The following ANKRD50 variants were observed in gnomAD, a reference collection of about 807,000 sequenced individuals.
ANKRD50 encodes ankyrin repeat domain 50.
A neutral mutation model predicts 112.0 loss-of-function variants in ANKRD50; 40 were observed. The ratio of observed to expected loss-of-function variants is 0.36; its 90% CI spans 0.28 to 0.46. The LOEUF is 0.46. ANKRD50 is among the 20% of genes least tolerant of loss of function. The probability of loss-of-function intolerance (pLI) is 1.00; values close to 1 mark genes in which losing one functional copy is unlikely to be tolerated. For synonymous variants in ANKRD50, 613 were observed against 619.1 expected, an observed-to-expected ratio of 0.99 and a Z score of 0.15; for missense variants, 1,487 against 1,701.7, an observed-to-expected ratio of 0.87 and a Z score of 2.22.
intron 2 of ANKRD50, among the ~76,000 whole-genome samples, chr4:124,699,074 A>G (rs1263454550): frequency 6.6e-6 from 1 of 152,182 alleles, no homozygotes; most frequent in Non-Finnish European, 1.5e-5. Flanking sequence ...GTATACCTAT[A>G]TATCTCCCCT....
In ANKRD50 at chr4:124,664,702, T is replaced by C. The variant is rs1286927892; in HGVS notation, c.*2816A>G. The C allele has an allele frequency of 6.6e-6, 1 of 152,506 alleles. No individual in the cohort carries two copies. Among genetic ancestry groups the C allele is most frequent in the East Asian group, 1.9e-4 (1 of 5,172 alleles). 9.4% of individuals were successfully genotyped at this position (152,506 alleles called of 1,614,324 possible). A position where few individuals can be genotyped will look rare whatever the true frequency, so the allele number is the denominator to read the frequency against. ...AATGGAGGACATTAAGCAAAACAAATATTTGCATAGCCAAAACAATATTGA... is the reference window on the plus strand; with the variant it reads ...AATGGAGGACATTAAGCAAAACAAACATTTGCATAGCCAAAACAATATTGA... On this transcript the variant is annotated 3_prime_UTR_variant, in exon 5 of 5. Coordinates refer to ENST00000504087, the MANE Select transcript of ANKRD50 (RefSeq NM_020337.3).
Position 124,671,512 on chromosome 4 carries a change from C to T in ANKRD50, c.1765G>A (p.Gly589Arg). Reference protein sequence around the residue: ...HTPLTLAARQGHTKVVNCLIG... With the variant: ...HTPLTLAARQRHTKVVNCLIG... ...AAACAATTAACCACCTTGGTATGTC[C>T]CTGTCTAGCCGCTAGAGTGAGTGGT... Residue 589 changes from glycine (G) to arginine (R), a missense_variant, in exon 4 of 5, where the codon GGA becomes AGA. Gly to Arg is a moderately radical substitution (Grantham distance 125). Transcript: ENST00000504087. 6.2e-7 allele frequency: 1 copy of T among 1,613,722 alleles called. No individual in the cohort carries two copies. The highest frequency in any genetic ancestry group is 8.5e-7 in the Non-Finnish European group (1 of 1,179,840).
At chr4:124,704,260 T>C (rs1725456872) in intron 2 of ANKRD50, among the ~76,000 whole-genome samples, 1 of 152,212 alleles carries the variant, frequency 6.6e-6, no homozygotes, top group Admixed American at 6.5e-5. Flanking sequence ...GAATAGATAA[T>C]GACAGTTATT....
At position 124,696,223 on chromosome 4, in the gene ANKRD50, A is replaced by T. The variant is rs182734151; in HGVS notation, c.512+13777T>A. ...AAAATTCCATTCTAGAACCAAAAAA[A>T]ATATAATATTTGACATTAGGAACCC... On this transcript the variant is annotated intron_variant, in intron 2 of 4. Coordinates refer to ENST00000504087, the MANE Select transcript of ANKRD50 (RefSeq NM_020337.3). 1.8e-3 allele frequency among the ~76,000 whole-genome samples: 271 copies of T among 152,196 alleles called. 1 individual carries two copies. The highest frequency in any genetic ancestry group is 6.3e-3 in the African/African-American group (264 of 41,582).
rs1730497352 is a variant in ANKRD50, at chr4:124,666,598, G to A, written c.*920C>T. The A allele has an allele frequency of 6.6e-6, 1 of 152,350 alleles. No homozygotes were observed. Among genetic ancestry groups the A allele is most frequent in the Non-Finnish European group, 1.5e-5 (1 of 67,918 alleles). 9.4% of individuals were successfully genotyped at this position (152,350 alleles called of 1,614,324 possible). A position where few individuals can be genotyped will look rare whatever the true frequency, so the allele number is the denominator to read the frequency against. On this transcript the variant is annotated 3_prime_UTR_variant, in exon 5 of 5. Coordinates refer to ENST00000504087, the MANE Select transcript of ANKRD50 (RefSeq NM_020337.3). ...TAGCCAGGAGGAAGAGGTCAGTTTAGTCAATGAATTATTCAGGGATCAAAA... is the reference window on the plus strand; with the variant it reads ...TAGCCAGGAGGAAGAGGTCAGTTTAATCAATGAATTATTCAGGGATCAAAA...
rs560047164 is a variant in ANKRD50, at chr4:124,671,189, T to C, written c.2088A>G (p.Leu696=). Residue 696 remains leucine, a synonymous_variant, in exon 4 of 5, where the codon CTA becomes CTG. Coordinates refer to ENST00000504087, the MANE Select transcript of ANKRD50 (RefSeq NM_020337.3). ...YMGHREIVEH[L]LDHGAEVNHE... ...GATTTACTTCTGCTCCATGGTCCAGTAGGTGTTCCACAATCTCTCTATGTC... is the reference window on the plus strand; with the variant it reads ...GATTTACTTCTGCTCCATGGTCCAGCAGGTGTTCCACAATCTCTCTATGTC... The C allele has an allele frequency of 3.1e-6, 5 of 1,613,874 alleles. No individual in the cohort carries two copies. The South Asian group carries it at 4.4e-5, about 14-fold the overall frequency.
At chr4:124,701,993 T>C (rs1301373486) in intron 2 of ANKRD50, among the ~76,000 whole-genome samples, 2 of 152,198 alleles carry the variant, frequency 1.3e-5, no homozygotes, top group Admixed American at 6.5e-5. Flanking sequence ...ATATGTCTAC[T>C]GTTCATATAA....
chr4:124,672,682 A>C, intron 3 of ANKRD50, 148 bp from the exon 4 acceptor site: 2 of 588,128 alleles, frequency 3.4e-6, no homozygotes, highest in South Asian at 3.4e-5. Flanking sequence ...TTAGTATGTA[A>C]ATCAGTTTTC....
chr4:124,708,779 AATTT>A (rs1725563878), intron 2 of ANKRD50, among the ~76,000 whole-genome samples: 1 of 150,900 alleles, frequency 6.6e-6, no homozygotes, highest in Admixed American at 6.6e-5. Context: ...AACCTTGAAC[AATTT>A]ATTTAGCCTC....
intron 2 of ANKRD50, among the ~76,000 whole-genome samples, chr4:124,683,991 T>C (rs1724951047): frequency 6.7e-6 from 1 of 149,768 alleles, no homozygotes; most frequent in Non-Finnish European, 1.5e-5. Context: ...TAAGAAAAGA[T>C]TTTTGCTATG....
rs756540464 is a variant in ANKRD50 at position 124,671,276 on chromosome 4, G to A, written c.2001C>T (p.Gly667=). 1.5e-5 allele frequency: 24 copies of A among 1,613,558 alleles called. No individual in the cohort carries two copies. Among genetic ancestry groups the A allele is most frequent in the Middle Eastern group, 1.6e-4 (1 of 6,080 alleles). ...CATTATCAGCTTTGTTCACTTCAGC[G>A]CCATGTTGTAGCAAATTCAGTACAA... ...EDIVLNLLQH[G]AEVNKADNEG... Residue 667 remains glycine (G), a synonymous_variant, in exon 4 of 5, where the codon GGC becomes GGT. Transcript: ENST00000504087.
intron 2 of ANKRD50, 65 bp from the exon 3 acceptor site, chr4:124,678,970 C>A: frequency 8.6e-7 from 1 of 1,158,524 alleles, no homozygotes; most frequent in South Asian, 1.5e-5. Context: ...ATTTATTATT[C>A]AAACATTAGA....
chr4:124,669,113 T>C lies in ANKRD50; in HGVS notation c.4164A>G (p.Arg1388=). 1 of 1,613,680 alleles carries C rather than the reference T, an allele frequency of 6.2e-7. No homozygotes were observed. Among genetic ancestry groups the C allele is most frequent in the Non-Finnish European group, 8.5e-7 (1 of 1,179,746 alleles). ...ATCCCTCCAACACTTCCTGATGCCC[T>C]CTATCTTGCATTGTTCGTGGGACTG... ...RVSVPRTMQD[R]GHQEVLEGYP... The change falls in exon 4 of 5, where the codon AGA becomes AGG. Residue 1388 remains arginine, a synonymous_variant. Coordinates refer to ENST00000504087, the MANE Select transcript of ANKRD50 (RefSeq NM_020337.3).
intron 2 of ANKRD50, among the ~76,000 whole-genome samples, chr4:124,697,248 T>C (rs1308579666): frequency 6.6e-6 from 1 of 152,160 alleles, no homozygotes; most frequent in Admixed American, 6.5e-5. Context: ...ATACAGTTGA[T>C]AATTAAGGCC....
intron 2 of ANKRD50, among the ~76,000 whole-genome samples, chr4:124,692,495 AT>A (rs1264297310): frequency 6.6e-6 from 1 of 152,190 alleles, no homozygotes; most frequent in Non-Finnish European, 1.5e-5. Flanking sequence ...ATATAAAAAA[AT>A]CATCCTGCTA....
At chr4:124,704,685 ATGCAAAG>A (rs1316492714) in intron 2 of ANKRD50, among the ~76,000 whole-genome samples, 1 of 152,254 alleles carries the variant, frequency 6.6e-6, no homozygotes, top group Admixed American at 6.5e-5. Flanking sequence ...CAATTATTAT[ATGCAAAG>A]TGCTATATAC....
chr4:124,669,975 C>A lies in ANKRD50; in HGVS notation c.3302G>T (p.Gly1101Val), dbSNP rs1730595594. The change falls in exon 4 of 5, where the codon GGT becomes GTT. Residue 1101 changes from glycine (G) to valine (V), a missense_variant. This residue lies in a region of ANKRD50 where 441 missense variants were observed against 432.2 expected (regional missense o/e 1.02). Transcript: ENST00000504087. ...SQIIKLLEKYGASSLNGCSPS... is the reference protein window; with the variant it reads ...SQIIKLLEKYVASSLNGCSPS... ...GGAACAGCCATTCAAACTAGATGCACCATATTTTTCTAATAATTTAATTAT... is the reference window on the plus strand; with the variant it reads ...GGAACAGCCATTCAAACTAGATGCAACATATTTTTCTAATAATTTAATTAT... The A allele has an allele frequency of 6.2e-7, 1 of 1,610,334 alleles. No homozygotes were observed. The highest frequency in any genetic ancestry group is 1.3e-5 in the African/African-American group (1 of 74,544).
At chr4:124,691,515 A>AC (rs1725138371) in intron 2 of ANKRD50, among the ~76,000 whole-genome samples, 1 of 150,304 alleles carries the variant, frequency 6.7e-6, no homozygotes, top group Non-Finnish European at 1.5e-5. Flanking sequence ...AAAAAAAAAA[A>AC]AAAAAAAAAG....
At chr4:124,692,156 G>A (rs1725153583) in intron 2 of ANKRD50, among the ~76,000 whole-genome samples, 1 of 152,198 alleles carries the variant, frequency 6.6e-6, no homozygotes. Flanking sequence ...TTATGTATAT[G>A]AGAATATTCC....
Sources: allele counts gnomAD v4.1 joint callset (sites outside exome capture counted in the v4.1 genomes callset), GRCh38; gene constraint gnomAD v4.1.1; regional missense constraint gnomAD v4.1.1; transcripts MANE v1.5; gene names NCBI Gene and HGNC (gene_info 2026-07-23, HGNC 2026-07-21).